The following OSBPL10 variants were observed in gnomAD, a reference collection of about 807,000 sequenced individuals.
OSBPL10 encodes oxysterol binding protein like 10, also known as oxysterol-binding protein-related protein 10.
OSBPL10 carries 49 observed loss-of-function variants against 81.7 expected under a neutral mutation model. The ratio of observed to expected loss-of-function variants is 0.60; its 90% confidence interval spans 0.48 to 0.76. The LOEUF (loss-of-function observed/expected upper bound fraction) is 0.76, where lower values mean the gene tolerates loss of function less well. OSBPL10 is among the 30% of genes least tolerant of loss of function. The probability of loss-of-function intolerance (pLI) is 0.00; values close to 1 mark genes in which losing one functional copy is unlikely to be tolerated. For missense variants in OSBPL10, 923 were observed against 987.8 expected, an observed-to-expected ratio of 0.93 and a Z score of 0.88; for synonymous variants, 419 against 383.6, an observed-to-expected ratio of 1.09 and a Z score of -1.08.
chr3:31,936,255 C>A (rs919229435), intron 1 of OSBPL10, among the ~76,000 whole-genome samples: 1 of 152,178 alleles, frequency 6.6e-6, no homozygotes, highest in African/African-American at 2.4e-5. Flanking sequence ...ACCAGCAACT[C>A]TTATTTTCTT....
chr3:31,808,841 G>A (rs1699590158), intron 4 of OSBPL10, among the ~76,000 whole-genome samples: 1 of 152,182 alleles, frequency 6.6e-6, no homozygotes, highest in South Asian at 2.1e-4. Flanking sequence ...CTTTGTCTCT[G>A]TTTCATTTCC....
At chr3:31,821,888 T>TA (rs1342496550) in intron 4 of OSBPL10, among the ~76,000 whole-genome samples, 1 of 152,200 alleles carries the variant, frequency 6.6e-6, no homozygotes, top group African/African-American at 2.4e-5. Context: ...ACTGCTTCCA[T>TA]AACAAAGGCT....
chr3:31,676,851 G>A (rs573640806), intron 8 of OSBPL10, among the ~76,000 whole-genome samples: 4 of 152,310 alleles, frequency 2.6e-5, no homozygotes, highest in South Asian at 2.1e-4. Context: ...ACACTTTCCC[G>A]TGGACAGAGG....
At chr3:31,837,841 G>GA (rs527523110) in intron 3 of OSBPL10, among the ~76,000 whole-genome samples, 37 of 146,624 alleles carry the variant, frequency 2.5e-4, no homozygotes, top group African/African-American at 4.7e-4. Context: ...CTTTATAGAG[G>GA]AAAAAAAAAA....
chr3:31,913,693 G>A (rs1696659587), intron 1 of OSBPL10, among the ~76,000 whole-genome samples: 2 of 152,164 alleles, frequency 1.3e-5, no homozygotes, highest in African/African-American at 4.8e-5. Flanking sequence ...TAACCAAGGT[G>A]AACACAACAA....
At chr3:31,902,341 C>A (rs1289253890) in intron 1 of OSBPL10, among the ~76,000 whole-genome samples, 1 of 148,458 alleles carries the variant, frequency 6.7e-6, no homozygotes, top group Non-Finnish European at 1.5e-5. Flanking sequence ...CGGCTTACTG[C>A]AACCTCTGCC....
chr3:31,762,551 C>A (rs910167501), intron 4 of OSBPL10, among the ~76,000 whole-genome samples: 4 of 151,632 alleles, frequency 2.6e-5, no homozygotes, highest in African/African-American at 9.7e-5. Flanking sequence ...CGGCTCACTG[C>A]AGCCTCACTC....
chr3:31,924,002 A>C (rs1170362861), intron 1 of OSBPL10, among the ~76,000 whole-genome samples: 1 of 152,130 alleles, frequency 6.6e-6, no homozygotes, highest in Non-Finnish European at 1.5e-5. Flanking sequence ...GTGGATCAGA[A>C]GGTCGGGAGT....
At chr3:31,713,667 G>A (rs1372871286) in intron 6 of OSBPL10, among the ~76,000 whole-genome samples, 1 of 152,048 alleles carries the variant, frequency 6.6e-6, no homozygotes, top group African/African-American at 2.4e-5. Context: ...AAAGTGCTGG[G>A]ATTACAGGCA....
intron 4 of OSBPL10, among the ~76,000 whole-genome samples, chr3:31,749,901 C>T (rs954202421): frequency 6.6e-6 from 1 of 152,112 alleles, no homozygotes; most frequent in Admixed American, 6.5e-5. Context: ...CACCTCCAGG[C>T]CGGGCATGGT....
intron 1 of OSBPL10, among the ~76,000 whole-genome samples, chr3:31,922,306 T>C (rs917046903): frequency 6.6e-6 from 1 of 152,218 alleles, no homozygotes; most frequent in Admixed American, 6.5e-5. Context: ...GTGAGAACTC[T>C]CTATTATCCA....
chr3:31,828,707 G>A (rs1208108780), intron 4 of OSBPL10, among the ~76,000 whole-genome samples: 1 of 151,984 alleles, frequency 6.6e-6, no homozygotes, highest in Non-Finnish European at 1.5e-5. Flanking sequence ...TAATTTTTGT[G>A]TTATTAGTAG....
At chr3:31,832,620 G>C in intron 3 of OSBPL10, among the ~76,000 whole-genome samples, 1 of 152,220 alleles carries the variant, frequency 6.6e-6, no homozygotes, top group Non-Finnish European at 1.5e-5. Context: ...CACATATACA[G>C]AGACAGACGG....
intron 2 of OSBPL10, among the ~76,000 whole-genome samples, chr3:32,001,527 A>G (rs1473849687): frequency 6.6e-6 from 1 of 152,224 alleles, no homozygotes; most frequent in Admixed American, 6.5e-5. Flanking sequence ...TATTCAACTC[A>G]TTAATTAATA....
At chr3:31,692,721 G>A (rs1189695912) in intron 7 of OSBPL10, among the ~76,000 whole-genome samples, 1 of 152,214 alleles carries the variant, frequency 6.6e-6, no homozygotes, top group Non-Finnish European at 1.5e-5. Flanking sequence ...CTTCTTAGAT[G>A]TCTGTAAGCA....
At chr3:31,676,381 C>CAGCTAAG (rs1700475617) in intron 8 of OSBPL10, among the ~76,000 whole-genome samples, 1 of 148,766 alleles carries the variant, frequency 6.7e-6, no homozygotes, top group Non-Finnish European at 1.5e-5. Context: ...TTTGGCCTAA[C>CAGCTAAG]AGCTAAGAGA....
intron 4 of OSBPL10, among the ~76,000 whole-genome samples, chr3:31,828,709 T>C (rs2125525174): frequency 6.6e-6 from 1 of 152,258 alleles, no homozygotes; most frequent in South Asian, 2.1e-4. Context: ...ATTTTTGTGT[T>C]ATTAGTAGAG....
chr3:31,779,898 C>A (rs1010102783), intron 4 of OSBPL10, among the ~76,000 whole-genome samples: 15 of 152,134 alleles, frequency 9.9e-5, no homozygotes, highest in African/African-American at 3.1e-4. Flanking sequence ...CTAAAAGGAA[C>A]CCTCAAGAAT....
chr3:31,689,030 T>C (rs1488203070), intron 7 of OSBPL10, among the ~76,000 whole-genome samples: 1 of 152,160 alleles, frequency 6.6e-6, no homozygotes, highest in African/African-American at 2.4e-5. Flanking sequence ...TCCTCTTCTC[T>C]TTATCAAAAG....
Sources: gnomAD v4.1 joint callset for allele counts (sites outside exome capture counted in the v4.1 genomes callset) on GRCh38, gnomAD v4.1.1 for gene constraint, MANE v1.5 for transcripts, NCBI Gene and HGNC (gene_info 2026-07-23, HGNC 2026-07-21) for gene names.